DIAPH2: variants seen among roughly 807,000 people sequenced by gnomAD.
DIAPH2 encodes protein diaphanous homolog 2.
In DIAPH2, 35 loss-of-function variants were observed where a neutral mutation model predicts 92.7. That is an observed-to-expected ratio of 0.38 (90% CI 0.29 to 0.50). The LOEUF is 0.50. DIAPH2 is among the 20% of genes least tolerant of loss of function. DIAPH2 has a pLI of 0.94. For synonymous variants in DIAPH2, 301 were observed against 280.4 expected, an observed-to-expected ratio of 1.07 and a Z score of -0.73; for missense variants, 701 against 819.5, an observed-to-expected ratio of 0.86 and a Z score of 1.77.
chrX:96,745,578 G>T (rs1013223869), intron 3 of DIAPH2, among the ~76,000 whole-genome samples: 1 of 112,090 alleles, frequency 8.9e-6, no homozygotes, highest in African/African-American at 3.2e-5. Flanking sequence ...AGATAATTGA[G>T]CTAAATCTAA....
chrX:96,686,392 G>GA (rs113258421), intron 1 of DIAPH2, among the ~76,000 whole-genome samples: 11,026 of 102,383 alleles, frequency 0.11, 523 homozygotes, highest in Middle Eastern at 0.16. Context: ...ATGCTTTCGA[G>GA]AAAAAAAAAA....
At chrX:97,335,124 A>C (rs1232877021) in intron 23 of DIAPH2, among the ~76,000 whole-genome samples, 1 of 110,103 alleles carries the variant, frequency 9.1e-6, no homozygotes. Flanking sequence ...CCCTGAGGCT[A>C]ATTTCATCAT....
chrX:96,732,561 C>A (rs2064062351), intron 1 of DIAPH2, among the ~76,000 whole-genome samples: 1 of 112,049 alleles, frequency 8.9e-6, no homozygotes, highest in Non-Finnish European at 1.9e-5. Context: ...ATTTACAAAT[C>A]AAGAAATCAG....
chrX:97,156,864 A>G (rs921021237), intron 22 of DIAPH2, among the ~76,000 whole-genome samples: 1 of 111,547 alleles, frequency 9.0e-6, no homozygotes, highest in African/African-American at 3.3e-5. Context: ...CTCAAAAGTA[A>G]AAGTTTTAGA....
At chrX:96,932,052 A>G (rs1198815209) in intron 10 of DIAPH2, among the ~76,000 whole-genome samples, 1 of 110,016 alleles carries the variant, frequency 9.1e-6, no homozygotes, top group African/African-American at 3.3e-5. Context: ...TTTTTTTTTC[A>G]CTAATTTTCT....
intron 22 of DIAPH2, among the ~76,000 whole-genome samples, chrX:97,233,972 C>G (rs1235059185): frequency 9.1e-6 from 1 of 110,131 alleles, no homozygotes; most frequent in African/African-American, 3.3e-5. Context: ...TACATTTTAC[C>G]CTCAGAAGGA....
intron 9 of DIAPH2, among the ~76,000 whole-genome samples, chrX:96,921,259 G>A (rs1210240200): frequency 9.0e-6 from 1 of 110,662 alleles, no homozygotes; most frequent in East Asian, 2.8e-4. Context: ...GTGAAATTTT[G>A]TACCTATGAT....
At chrX:97,473,552 G>A (rs1363985330) in intron 26 of DIAPH2, among the ~76,000 whole-genome samples, 1 of 111,275 alleles carries the variant, frequency 9.0e-6, no homozygotes, top group Non-Finnish European at 1.9e-5. Context: ...GTCAGGCTTG[G>A]TCTTGAACTC....
At chrX:96,930,564 G>A (rs902823388) in intron 9 of DIAPH2, among the ~76,000 whole-genome samples, 169 bp from the exon 10 acceptor site, 6 of 111,416 alleles carry the variant, frequency 5.4e-5, no homozygotes, top group Non-Finnish European at 5.7e-5. Context: ...ACACTTTGTC[G>A]TTAATTTTAT....
chrX:97,096,654 T>A (rs977905613), intron 19 of DIAPH2, among the ~76,000 whole-genome samples: 1 of 111,309 alleles, frequency 9.0e-6, no homozygotes, highest in African/African-American at 3.3e-5. Context: ...TGGCAAAGTA[T>A]GGGAACATGT....
intron 17 of DIAPH2, among the ~76,000 whole-genome samples, chrX:97,056,834 A>G (rs1191603315): frequency 8.9e-6 from 1 of 111,873 alleles, no homozygotes; most frequent in Non-Finnish European, 1.9e-5. Flanking sequence ...AGGCAAATAT[A>G]CTAAGGGAGG....
chrX:96,870,256 CTTTA>C (rs1019543477), intron 4 of DIAPH2, among the ~76,000 whole-genome samples: 6 of 109,727 alleles, frequency 5.5e-5, no homozygotes, highest in South Asian at 3.9e-4. Context: ...TTAAGGTATC[CTTTA>C]TTTATTTATT....
intron 25 of DIAPH2, among the ~76,000 whole-genome samples, chrX:97,423,061 G>A (rs762692422): frequency 6.3e-5 from 7 of 111,351 alleles, no homozygotes; most frequent in South Asian, 3.9e-4. Flanking sequence ...GGTTGGGAAG[G>A]CAAACCTAGG....
chrX:97,232,342 C>T (rs2068015776), intron 22 of DIAPH2, among the ~76,000 whole-genome samples: 1 of 111,606 alleles, frequency 9.0e-6, no homozygotes, highest in Admixed American at 9.5e-5. Context: ...TCAAGCGATT[C>T]TCCTGTCTCA....
At chrX:97,049,014 G>A (rs1259109387) in intron 17 of DIAPH2, among the ~76,000 whole-genome samples, 1 of 103,152 alleles carries the variant, frequency 9.7e-6, no homozygotes, top group Non-Finnish European at 2.1e-5. Context: ...CTGGATGCTA[G>A]GTGTGTGCTC....
chrX:97,600,468 T>TAAG lies in DIAPH2; in HGVS notation c.*1152_*1154dup, dbSNP rs1262445047. 1.8e-5 allele frequency: 2 copies of TAAG among 110,707 alleles called. No homozygotes were observed. The highest frequency in any genetic ancestry group is 3.8e-5 in the Non-Finnish European group (2 of 52,016). The allele number at this position is 110,707 out of a possible 1,213,427, so 9.1% of individuals were successfully genotyped here. ...TATCTCTTGCTACAATAATTCCAAC[T>TAAG]AAGTGAACTTCTCAATTATCATCAT... is the stretch of plus-strand genomic sequence containing the variant. On this transcript the variant is annotated 3_prime_UTR_variant, in exon 27 of 27. Transcript: ENST00000324765.
In DIAPH2 at chrX:97,601,559, A is replaced by AGAT. The variant is rs1307778003; in HGVS notation, c.*2246_*2248dup. ...CTCTAGCCATTTGCAGTTTTGTTTT[A>AGAT]GATGATTGGAAAGTATATCACCAAA... On this transcript the variant is annotated 3_prime_UTR_variant, in exon 27 of 27. Transcript: ENST00000324765. 1 of 111,887 alleles carries AGAT rather than the reference A, an allele frequency of 8.9e-6. No homozygotes were observed. Among genetic ancestry groups the AGAT allele is most frequent in the Non-Finnish European group, 1.9e-5 (1 of 53,126 alleles). The allele number at this position is 111,887 out of a possible 1,213,427, so 9.2% of individuals were successfully genotyped here.
At chrX:97,117,980 G>A (rs749284580) in intron 21 of DIAPH2, among the ~76,000 whole-genome samples, 11 of 110,347 alleles carry the variant, frequency 1.0e-4, no homozygotes, top group Non-Finnish European at 1.3e-4. Context: ...TTTTCAGTAC[G>A]AAATAGCATA....
chrX:97,146,007 C>CTTTTTTTTTTTTTTTTTTTTTT (rs372292277), intron 22 of DIAPH2, among the ~76,000 whole-genome samples: 1 of 43,169 alleles, frequency 2.3e-5, no homozygotes, highest in Non-Finnish European at 4.0e-5. Flanking sequence ...TTTCTTCTTC[C>CTTTTTTTTTTTTTTTTTTTTTT]TTTTTTTTTT....
Sources: gnomAD v4.1 joint callset for allele counts (sites outside exome capture counted in the v4.1 genomes callset) on GRCh38, gnomAD v4.1.1 for gene constraint, MANE v1.5 for transcripts, NCBI Gene and HGNC (gene_info 2026-07-23, HGNC 2026-07-21) for gene names.